Variants in EIF4G3 observed in about 807,000 individuals in gnomAD.
EIF4G3 encodes eukaryotic translation initiation factor 4 gamma 3, also known as eIF-4-gamma 3.
Under a neutral mutation model 186.4 loss-of-function variants are expected in EIF4G3, and 34 were observed. The observed-to-expected ratio is 0.18, with a 90% confidence interval of 0.14 to 0.24. EIF4G3 has a LOEUF of 0.24. EIF4G3 is among the 10% of genes least tolerant of loss of function. The pLI is 1.00. For synonymous variants in EIF4G3, 673 were observed against 679.5 expected (o/e 0.99, Z 0.15); for missense variants, 1,536 against 1,948.5 (o/e 0.79, Z 3.99).
intron 2 of EIF4G3, among the ~76,000 whole-genome samples, chr1:21,159,073 A>G (rs1029034071): frequency 6.6e-6 from 1 of 152,172 alleles, no homozygotes; most frequent in East Asian, 1.9e-4. Flanking sequence ...TCTAACTCTA[A>G]TAACATATTA....
chr1:21,115,784 A>T (rs1168356707), intron 2 of EIF4G3, among the ~76,000 whole-genome samples: 1 of 152,166 alleles, frequency 6.6e-6, no homozygotes, highest in Non-Finnish European at 1.5e-5. Context: ...TGGCACGATC[A>T]CAGCTTATTG....
At chr1:21,120,740 G>T (rs1360885060) in intron 2 of EIF4G3, among the ~76,000 whole-genome samples, 2 of 152,070 alleles carry the variant, frequency 1.3e-5, no homozygotes, top group Non-Finnish European at 2.9e-5. Flanking sequence ...GATTGATGGG[G>T]TTAAGAAAAA....
intron 3 of EIF4G3, among the ~76,000 whole-genome samples, chr1:21,058,406 A>T (rs1278201419): frequency 6.6e-6 from 1 of 152,188 alleles, no homozygotes; most frequent in African/African-American, 2.4e-5. Flanking sequence ...AATTGTCCTG[A>T]CTTCCCATAC....
chr1:21,175,399 T>C (rs2098082515), intron 2 of EIF4G3: 2 of 152,204 alleles, frequency 1.3e-5, no homozygotes, highest in Admixed American at 6.5e-5. Context: ...TCTCTAGACA[T>C]CAGGCCTATG....
intron 3 of EIF4G3, among the ~76,000 whole-genome samples, chr1:21,071,930 G>C (rs920179612): frequency 6.6e-6 from 1 of 151,868 alleles, no homozygotes; most frequent in Non-Finnish European, 1.5e-5. Flanking sequence ...TAAACATAAA[G>C]TGACAATAAT....
chr1:21,151,720 T>TA (rs11289703), intron 2 of EIF4G3, among the ~76,000 whole-genome samples: 2 of 149,674 alleles, frequency 1.3e-5, no homozygotes, highest in African/African-American at 4.9e-5. Flanking sequence ...TTGTATTAAA[T>TA]AAAAAAAAAA....
intron 14 of EIF4G3, among the ~76,000 whole-genome samples, chr1:20,928,276 C>A (rs2095064833): frequency 6.6e-6 from 1 of 152,110 alleles, no homozygotes; most frequent in Non-Finnish European, 1.5e-5. Flanking sequence ...TTTGGCTGTA[C>A]ACAAATACTC....
chr1:21,093,724 G>T (rs12085944), intron 2 of EIF4G3, among the ~76,000 whole-genome samples: 5,158 of 152,202 alleles, frequency 0.034, 293 homozygotes, highest in African/African-American at 0.12. Flanking sequence ...ATGACAGACT[G>T]GATTAAGAAA....
At chr1:21,170,340 G>A (rs1004221985) in intron 2 of EIF4G3, among the ~76,000 whole-genome samples, 2 of 151,990 alleles carry the variant, frequency 1.3e-5, no homozygotes, top group African/African-American at 4.8e-5. Flanking sequence ...AAAATTCAAT[G>A]TCTTATAAAG....
In EIF4G3 at chr1:21,109,401, T is replaced by C. The variant is rs141533587; in HGVS notation, c.-271-20188A>G. 3.1e-3 allele frequency among the ~76,000 whole-genome samples: 475 copies of C among 152,236 alleles called. 2 individuals carry two copies. Among genetic ancestry groups the C allele is most frequent in the African/African-American group, 0.011 (459 of 41,520 alleles). ...GGCTCATGCCTGTAATCCTAACACTTTGGGAGGCTGAAGCAGGAGGATCGC... is the reference window on the plus strand; with the variant it reads ...GGCTCATGCCTGTAATCCTAACACTCTGGGAGGCTGAAGCAGGAGGATCGC... On this transcript the variant is annotated intron_variant, in intron 2 of 36. Coordinates refer to ENST00000602326, the MANE Select transcript of EIF4G3 (RefSeq NM_001391906.1).
chr1:20,904,487 A>T (rs532058503), intron 15 of EIF4G3, among the ~76,000 whole-genome samples: 7 of 152,234 alleles, frequency 4.6e-5, no homozygotes, highest in African/African-American at 1.4e-4. Context: ...CTGGGACCAC[A>T]GGTATGCGCC....
chr1:21,004,349 T>C (rs528016208), intron 4 of EIF4G3, among the ~76,000 whole-genome samples: 1 of 152,310 alleles, frequency 6.6e-6, no homozygotes, highest in Admixed American at 6.5e-5. Flanking sequence ...TGTTATAGAC[T>C]AATATACTGT....
At chr1:20,939,970 T>C (rs937610397) in intron 14 of EIF4G3, among the ~76,000 whole-genome samples, 4 of 147,990 alleles carry the variant, frequency 2.7e-5, no homozygotes, top group Non-Finnish European at 4.5e-5. Context: ...TTCTCCTGCC[T>C]CAGCCTCCCG....
intron 4 of EIF4G3, among the ~76,000 whole-genome samples, chr1:21,035,544 G>T (rs7538997): frequency 1.3e-5 from 2 of 152,308 alleles, no homozygotes; most frequent in Admixed American, 1.3e-4. Flanking sequence ...GGCCAAGCCC[G>T]GGCACTGTTG....
At chr1:20,978,825 A>G (rs2077396377) in intron 10 of EIF4G3, among the ~76,000 whole-genome samples, 1 of 152,158 alleles carries the variant, frequency 6.6e-6, no homozygotes, top group African/African-American at 2.4e-5. Context: ...GACAATATCA[A>G]CCAAGGTAAC....
chr1:21,001,782 G>A (rs2083571555), intron 5 of EIF4G3, among the ~76,000 whole-genome samples: 2 of 152,190 alleles, frequency 1.3e-5, no homozygotes, highest in Admixed American at 1.3e-4. Context: ...TTTTGGTGCA[G>A]TCTATGCTCT....
chr1:21,085,390 A>T (rs1053536451), intron 3 of EIF4G3, among the ~76,000 whole-genome samples: 2 of 152,144 alleles, frequency 1.3e-5, no homozygotes, highest in African/African-American at 2.4e-5. Flanking sequence ...GCCAGAAAAA[A>T]ATATTTTAAG....
intron 3 of EIF4G3, among the ~76,000 whole-genome samples, chr1:21,083,037 C>CAAAAAAAAAAAAAAAAAAAAAAAA (rs544781256): frequency 1.5e-5 from 1 of 66,432 alleles, no homozygotes; most frequent in Non-Finnish European, 2.5e-5. Context: ...GACTCTGTCT[C>CAAAAAAAAAAAAAAAAAAAAAAAA]AAAAAAAAAA....
intron 28 of EIF4G3, among the ~76,000 whole-genome samples, chr1:20,850,131 A>G (rs936200863): frequency 1.3e-5 from 2 of 152,190 alleles, no homozygotes; most frequent in Admixed American, 6.5e-5. Context: ...CACCTTTCTC[A>G]GTTTGTGTCT....
Sources: gnomAD v4.1 joint callset for allele counts (sites outside exome capture counted in the v4.1 genomes callset) on GRCh38, gnomAD v4.1.1 for gene constraint, MANE v1.5 for transcripts, NCBI Gene and HGNC (gene_info 2026-07-23, HGNC 2026-07-21) for gene names.